CATSPERE: variants seen among roughly 807,000 people sequenced by gnomAD.
The protein encoded by CATSPERE is catsper channel auxiliary subunit epsilon, also known as cation channel sperm-associated auxiliary subunit epsilon.
Under a neutral mutation model 114.1 loss-of-function variants are expected in CATSPERE, and 93 were observed. That is an observed-to-expected ratio of 0.81 (90% CI 0.69 to 0.97). The LOEUF (loss-of-function observed/expected upper bound fraction) is 0.97. CATSPERE is among the 50% of genes least tolerant of loss of function. The pLI is 0.00. For missense variants in CATSPERE, 1,058 were observed against 1,131.6 expected (o/e 0.93, Z 0.93); for synonymous variants, 341 against 384.1 (o/e 0.89, Z 1.31).
chr1:244,560,099 C>T (rs531850144), intron 9 of CATSPERE, among the ~76,000 whole-genome samples: 2 of 152,020 alleles, frequency 1.3e-5, no homozygotes, highest in Non-Finnish European at 2.9e-5. Context: ...CTCAAGTGAT[C>T]CTTCCACCTC....
upstream of CATSPERE, among the ~76,000 whole-genome samples, chr1:244,460,685 G>A (rs1294038771): frequency 2.0e-5 from 3 of 152,160 alleles, no homozygotes; most frequent in African/African-American, 7.2e-5. Flanking sequence ...AGGCTGAGGC[G>A]GGTGGATCAC....
At chr1:244,456,755 T>C (rs1231892087), upstream of CATSPERE, among the ~76,000 whole-genome samples, 1 of 152,204 alleles carries the variant, frequency 6.6e-6, no homozygotes, top group East Asian at 1.9e-4. Context: ...CCCCTAGTTA[T>C]GCTGAAAACA....
chr1:244,560,583 T>A (rs1211847321), intron 9 of CATSPERE, 85 bp from the exon 10 acceptor site: 1 of 778,732 alleles, frequency 1.3e-6, no homozygotes, highest in African/African-American at 1.8e-5. Flanking sequence ...AAATAAAAAA[T>A]AAAATTTAAA....
At chr1:244,600,596 A>G (rs1167547644) in intron 17 of CATSPERE, among the ~76,000 whole-genome samples, 4 of 152,326 alleles carry the variant, frequency 2.6e-5, no homozygotes, top group African/African-American at 4.8e-5. Flanking sequence ...ACTATCAACT[A>G]GCCTTGAAAC....
intron 5 of CATSPERE, among the ~76,000 whole-genome samples, chr1:244,480,372 C>T (rs535434157): frequency 2.6e-5 from 4 of 152,086 alleles, no homozygotes; most frequent in Non-Finnish European, 5.9e-5. Context: ...TCCCAGGCAC[C>T]GTGTAGGACA....
chr1:244,543,775 G>C (rs900787127), intron 8 of CATSPERE, among the ~76,000 whole-genome samples: 1 of 151,712 alleles, frequency 6.6e-6, no homozygotes, highest in Non-Finnish European at 1.5e-5. Flanking sequence ...CAAGATAAGA[G>C]AGGATTCTTC....
intron 10 of CATSPERE, among the ~76,000 whole-genome samples, chr1:244,566,513 T>C (rs1663525970): frequency 6.6e-6 from 1 of 152,158 alleles, no homozygotes; most frequent in South Asian, 2.1e-4. Context: ...TGCTCCTTTA[T>C]TGGGTGCATG....
At chr1:244,628,976 G>A (rs1192319676) in intron 20 of CATSPERE, among the ~76,000 whole-genome samples, 1 of 152,196 alleles carries the variant, frequency 6.6e-6, no homozygotes, top group Non-Finnish European at 1.5e-5. Flanking sequence ...TGGTGTTAGA[G>A]ATAAGACTAA....
chr1:244,542,104 A>G (rs1348598962), intron 8 of CATSPERE, among the ~76,000 whole-genome samples: 1 of 150,834 alleles, frequency 6.6e-6, no homozygotes, highest in Non-Finnish European at 1.5e-5. Context: ...ACATGTATAC[A>G]TATGTAACAA....
chr1:244,529,102 C>T (rs1221498432), intron 8 of CATSPERE, among the ~76,000 whole-genome samples: 1 of 152,080 alleles, frequency 6.6e-6, no homozygotes, highest in Admixed American at 6.6e-5. Context: ...AGGTTGTTTC[C>T]AAATCTTGAC....
At chr1:244,609,797 T>C (rs528866141) in intron 18 of CATSPERE, among the ~76,000 whole-genome samples, 1 of 152,244 alleles carries the variant, frequency 6.6e-6, no homozygotes, top group South Asian at 2.1e-4. Context: ...TCCCAACACT[T>C]TGGGAGGCTG....
intron 9 of CATSPERE, among the ~76,000 whole-genome samples, chr1:244,553,538 G>A (rs10927254): frequency 0.12 from 16,429 of 134,870 alleles, 1,707 homozygotes; most frequent in African/African-American, 0.29. Context: ...CCGAGATCGT[G>A]CCACTGCACT....
At position 244,621,121 on chromosome 1, in the gene CATSPERE, A is replaced by ATT. The variant is rs1279271987; in HGVS notation, c.2648+3436_2648+3437insTT. Among the ~76,000 whole-genome samples, 404 of 88,384 alleles carry ATT rather than the reference A, an allele frequency of 4.6e-3. 3 individuals carry two copies. The highest frequency in any genetic ancestry group is 0.01 in the East Asian group (36 of 3,586). 58.0% of individuals were successfully genotyped at this position (88,384 alleles called of 152,430 possible). ...ATATATATAAATATATATATAATAT[A>ATT]TATATAAATATATATAAAATATATA... On this transcript the variant is annotated intron_variant, in intron 20 of 21. Transcript: ENST00000366534.
At position 244,485,637 on chromosome 1, in the gene CATSPERE, T is replaced by C. The variant is rs145073265; in HGVS notation, c.327-4810T>C. 3.9e-4 allele frequency among the ~76,000 whole-genome samples: 59 copies of C among 152,228 alleles called. 1 individual carries two copies. The East Asian group carries it at 8.3e-3, about 21-fold the overall frequency. On this transcript the variant is annotated intron_variant, in intron 5 of 21. Coordinates refer to ENST00000366534, the MANE Select transcript of CATSPERE (RefSeq NM_001130957.2). Reference sequence around the variant, plus strand: ...TCTCGTTGTGATTCATTCTTGGTTATTTTTTAAGTGTTTCATTCAGTTCAC... The same window carrying C: ...TCTCGTTGTGATTCATTCTTGGTTACTTTTTAAGTGTTTCATTCAGTTCAC...
At chr1:244,553,422 G>A (rs991464773) in intron 9 of CATSPERE, among the ~76,000 whole-genome samples, 3 of 151,370 alleles carry the variant, frequency 2.0e-5, no homozygotes, top group African/African-American at 7.3e-5. Flanking sequence ...AGTGGTGGGT[G>A]CCTGTAGGTG....
chr1:244,612,868 G>T (rs923865699), intron 19 of CATSPERE, among the ~76,000 whole-genome samples: 13 of 152,164 alleles, frequency 8.5e-5, no homozygotes, highest in African/African-American at 3.1e-4. Context: ...GATCAAGTGG[G>T]CTTTCGCATG....
chr1:244,602,467 C>T (rs1669389786), intron 17 of CATSPERE, among the ~76,000 whole-genome samples: 1 of 152,064 alleles, frequency 6.6e-6, no homozygotes, highest in South Asian at 2.1e-4. Context: ...ACAATAAATG[C>T]CTTAACGTTA....
At chr1:244,528,180 C>T (rs964901928) in intron 8 of CATSPERE, among the ~76,000 whole-genome samples, 1 of 152,208 alleles carries the variant, frequency 6.6e-6, no homozygotes, top group Non-Finnish European at 1.5e-5. Flanking sequence ...CATGTGTTCT[C>T]ATCATTCAGC....
intron 2 of CATSPERE, among the ~76,000 whole-genome samples, chr1:244,477,152 C>T (rs901461665): frequency 5.3e-5 from 8 of 152,060 alleles, no homozygotes; most frequent in Non-Finnish European, 1.2e-4. Context: ...CGTGCCACCA[C>T]GCCCAGCTAA....
Sources: gnomAD v4.1 joint callset for allele counts (sites outside exome capture counted in the v4.1 genomes callset) on GRCh38, gnomAD v4.1.1 for gene constraint, MANE v1.5 for transcripts, NCBI Gene and HGNC (gene_info 2026-07-23, HGNC 2026-07-21) for gene names.